PIEZO2: variants seen among roughly 807,000 people sequenced by gnomAD.
The protein encoded by PIEZO2 is piezo-type mechanosensitive ion channel component 2.
In PIEZO2, 172 loss-of-function variants were observed where a neutral mutation model predicts 337.3. The observed-to-expected ratio is 0.51, with a 90% CI of 0.45 to 0.58. The LOEUF is 0.58. Ranked by LOEUF, PIEZO2 falls within the 20% of genes least tolerant of loss-of-function variation. The pLI, the probability that PIEZO2 is intolerant of heterozygous loss-of-function variation, is 0.00. For missense variants in PIEZO2, 3,028 were observed against 3,391.3 expected (o/e 0.89, Z 2.66); for synonymous variants, 1,251 against 1,228.5 (o/e 1.02, Z -0.38).
chr18:11,084,182 A>C (rs1598934082), intron 1 of PIEZO2, among the ~76,000 whole-genome samples: 1 of 141,970 alleles, frequency 7.0e-6, no homozygotes, highest in African/African-American at 2.6e-5. Flanking sequence ...GTCTCAAAAA[A>C]AAAAAAAAAA....
At chr18:10,880,117 G>A (rs969320317) in intron 4 of PIEZO2, among the ~76,000 whole-genome samples, 11 of 152,148 alleles carry the variant, frequency 7.2e-5, no homozygotes, top group Non-Finnish European at 1.5e-4. Context: ...ACTTCAGACT[G>A]TTTTTAAAAG....
Position 10,855,394 on chromosome 18 carries a change from T to C in PIEZO2, c.876A>G (p.Gln292=), listed in dbSNP as rs1381117875. 1.3e-6 allele frequency: 2 copies of C among 1,537,046 alleles called. No homozygotes were observed. Among genetic ancestry groups the C allele is most frequent in the South Asian group, 2.4e-5 (2 of 84,054 alleles). The change falls in exon 7 of 56, where the codon CAA becomes CAG. Residue 292 remains glutamine, a synonymous_variant. Coordinates refer to ENST00000674853, the MANE Select transcript of PIEZO2 (RefSeq NM_001378183.1). This position sits in a 1 kb window ranked among gnomAD's most constrained non-coding sequence, Gnocchi z 4.9. ...TGGGTGGAACTGCCTCTTGAAAGAA[T>C]TGGAACTGGTATAAATAAAGTCCAA... ...HLIGLYLYQF[Q]FFQEAVPPND...
chr18:10,950,663 A>G (rs1175613282), intron 3 of PIEZO2, among the ~76,000 whole-genome samples: 2 of 152,202 alleles, frequency 1.3e-5, no homozygotes. Context: ...CCATTTACAC[A>G]CACATTGATC....
At position 10,682,176 on chromosome 18, in the gene PIEZO2, C is replaced by T. The variant is rs1302957904; in HGVS notation, c.7614G>A (p.Leu2538=). 3 of 1,537,146 alleles carry T rather than the reference C, an allele frequency of 2.0e-6. No homozygotes were observed. Among genetic ancestry groups the T allele is most frequent in the Middle Eastern group, 1.7e-4 (1 of 5,990 alleles). The change falls in exon 50 of 56, where the codon TTG becomes TTA. Residue 2538 remains leucine, a synonymous_variant. Coordinates refer to ENST00000674853, the MANE Select transcript of PIEZO2 (RefSeq NM_001378183.1). The surrounding 1 kb of genome is among the most constrained non-coding windows in gnomAD (Gnocchi z 5.6). ...TGATGACCCCAGCCACAGATTTGAT[C>T]AAAGACATGAAGAGAAGAGGAAACC... ...IVWFPLLFMS[L]IKSVAGVINQ... is the part of the protein sequence containing the mutation.
chr18:11,109,397 G>T lies in PIEZO2; in HGVS notation c.64+39128C>A, dbSNP rs1015580541. On this transcript the variant is annotated intron_variant, in intron 1 of 55. Transcript: ENST00000674853. The surrounding 1 kb of genome is among the most constrained non-coding windows in gnomAD (Gnocchi z 5.1). ...TGATGGGGTGGCAGGTGGGAGCTGG[G>T]GGGTGTAGCTCTGATTTCAGTATGG... Among the ~76,000 whole-genome samples, 3 of 152,162 alleles carry T rather than the reference G, an allele frequency of 2.0e-5. No individual in the cohort carries two copies. The South Asian group carries it at 6.2e-4, about 32-fold the overall frequency.
chr18:10,811,794 A>G (rs2040198589), intron 7 of PIEZO2, among the ~76,000 whole-genome samples: 1 of 152,244 alleles, frequency 6.6e-6, no homozygotes, highest in South Asian at 2.1e-4. Context: ...CAATAAATGA[A>G]TGTATATGGT....
intron 13 of PIEZO2, among the ~76,000 whole-genome samples, chr18:10,792,978 G>A (rs558476813): frequency 6.6e-6 from 1 of 152,316 alleles, no homozygotes; most frequent in African/African-American, 2.4e-5. Flanking sequence ...CATTCTGGCT[G>A]GGCACTATGG....
chr18:11,075,840 G>A (rs1202153311), intron 1 of PIEZO2, among the ~76,000 whole-genome samples: 1 of 147,758 alleles, frequency 6.8e-6, no homozygotes, highest in Non-Finnish European at 1.5e-5. Flanking sequence ...CCAGGCTGGA[G>A]TGCAGTGGCG....
At position 10,833,238 on chromosome 18, in the gene PIEZO2, G is replaced by C. The variant is rs950925851; in HGVS notation, c.917+22115C>G. 4.6e-5 allele frequency among the ~76,000 whole-genome samples: 7 copies of C among 152,152 alleles called. No homozygotes were observed. Among genetic ancestry groups the C allele is most frequent in the African/African-American group, 1.7e-4 (7 of 41,442 alleles). On this transcript the variant is annotated intron_variant, in intron 7 of 55. Transcript: ENST00000674853. This position sits in a 1 kb window ranked among gnomAD's most constrained non-coding sequence, Gnocchi z 4.7. The stretch of plus-strand genomic sequence containing the variant: ...GAGGGCTCAGAGACAGAAGCCCAGG[G>C]TAACAGGTACCCTGGGTGCGTCAGT...
intron 3 of PIEZO2, among the ~76,000 whole-genome samples, chr18:10,976,183 A>T (rs771440918): frequency 6.6e-6 from 1 of 152,070 alleles, no homozygotes; most frequent in African/African-American, 2.4e-5. Flanking sequence ...TGGGCTGAAA[A>T]CCTGGTCTGT....
rs939618914 is a variant in PIEZO2 at position 11,031,930 on chromosome 18, C to T, written c.160+34197G>A. ...TTCTCACCATCACATTTCCAAGATA[C>T]GAGACAAAACTCGTTCTCTCTCTGT... is the stretch of plus-strand genomic sequence containing the variant. On this transcript the variant is annotated intron_variant, in intron 2 of 55. Transcript: ENST00000674853. The surrounding 1 kb of genome is among the most constrained non-coding windows in gnomAD (Gnocchi z 4.7). Among the ~76,000 whole-genome samples the T allele has an allele frequency of 4.6e-5, 7 of 152,120 alleles. No homozygotes were observed. Among genetic ancestry groups the T allele is most frequent in the African/African-American group, 1.2e-4 (5 of 41,396 alleles).
chr18:10,791,315 T>C lies in PIEZO2; in HGVS notation c.1768A>G (p.Thr590Ala). Residue 590 changes from threonine (T) to alanine (A), a missense_variant, in exon 14 of 56, where the codon ACC (threonine) becomes GCC (alanine). Physicochemically the swap from Thr to Ala is moderately conservative, Grantham distance 58 (BLOSUM62 0). Around this residue, in one of 5 missense-constraint regions of PIEZO2, gnomAD observed 1,925 missense variants for 2,051.9 expected, o/e 0.94. Transcript: ENST00000674853. ...PGELASKILF[T>A]ITFWLLLRQH... ...CTCAGCAGTAGCCAAAAAGTAATGG[T>C]GAAAAGGATCTGAAAGTAGAGAAGC... 1 of 1,510,908 alleles carries C rather than the reference T, an allele frequency of 6.6e-7. No homozygotes were observed. Among genetic ancestry groups the C allele is most frequent in the African/African-American group, 1.4e-5 (1 of 71,658 alleles). The allele number at this position is 1,510,908 out of a possible 1,614,324, so 93.6% of individuals were successfully genotyped here.
chr18:10,677,628 A>T lies in PIEZO2; in HGVS notation c.8081+119T>A. The T allele has an allele frequency of 7.9e-7, 1 of 1,262,972 alleles. No individual in the cohort carries two copies. Among genetic ancestry groups the T allele is most frequent in the Non-Finnish European group, 1.1e-6 (1 of 902,834 alleles). The allele number at this position is 1,262,972 out of a possible 1,614,324, so 78.2% of individuals were successfully genotyped here. A position where few individuals can be genotyped will look rare whatever the true frequency, so the allele number is the denominator to read the frequency against. On this transcript the variant is annotated intron_variant, in intron 53 of 55. Coordinates refer to ENST00000674853, the MANE Select transcript of PIEZO2 (RefSeq NM_001378183.1). This position sits in a 1 kb window ranked among gnomAD's most constrained non-coding sequence, Gnocchi z 4.1. The stretch of plus-strand genomic sequence containing the variant: ...AAAATGGGGCCTCCAAATAGAAATT[A>T]ACTTTGTGTTACCAAAGAATGAAGT...
chr18:10,930,353 C>T (rs2032004025), intron 3 of PIEZO2, among the ~76,000 whole-genome samples: 1 of 152,202 alleles, frequency 6.6e-6, no homozygotes, highest in Non-Finnish European at 1.5e-5. Context: ...TTAACTAAAG[C>T]TGATTTCAAC....
chr18:10,981,783 T>G (rs2034676564), intron 2 of PIEZO2, among the ~76,000 whole-genome samples: 1 of 152,210 alleles, frequency 6.6e-6, no homozygotes. Flanking sequence ...CAGAGGAATG[T>G]GGAAGGACTA....
chr18:11,137,584 C>T (rs1158783254), intron 1 of PIEZO2, among the ~76,000 whole-genome samples: 2 of 152,204 alleles, frequency 1.3e-5, no homozygotes, highest in Non-Finnish European at 2.9e-5. Context: ...CCTTTCCAAC[C>T]TGCATGCTGC....
At chr18:10,852,065 T>A (rs1359332562) in intron 7 of PIEZO2, among the ~76,000 whole-genome samples, 1 of 152,184 alleles carries the variant, frequency 6.6e-6, no homozygotes, top group African/African-American at 2.4e-5. Flanking sequence ...AGTACAAAAC[T>A]TTTTGCTATA....
In PIEZO2 at chr18:10,883,816, C is replaced by CTTTTTTTTTTTTTTTTTTTTTTTTTTT. The variant is rs71169957; in HGVS notation, c.330-12402_330-12401insAAAAAAAAAAAAAAAAAAAAAAAAAAA. On this transcript the variant is annotated intron_variant, in intron 4 of 55. Coordinates refer to ENST00000674853, the MANE Select transcript of PIEZO2 (RefSeq NM_001378183.1). ...TACCCTGTTTCTATGAGTCCTACTT[C>CTTTTTTTTTTTTTTTTTTTTTTTTTTT]TTTTTTTTTTTTGAGACAGAGTCTC... is the stretch of plus-strand genomic sequence containing the variant. Among the ~76,000 whole-genome samples the CTTTTTTTTTTTTTTTTTTTTTTTTTTT allele has an allele frequency of 1.6e-5, 2 of 122,832 alleles. 1 individual carries two copies. Among genetic ancestry groups the CTTTTTTTTTTTTTTTTTTTTTTTTTTT allele is most frequent in the Non-Finnish European group, 3.2e-5 (2 of 62,010 alleles). 80.6% of individuals were successfully genotyped at this position (122,832 alleles called of 152,430 possible). A position where few individuals can be genotyped will look rare whatever the true frequency, so the allele number is the denominator to read the frequency against.
At position 11,070,286 on chromosome 18, in the gene PIEZO2, T is replaced by C. The variant is rs1185725042; in HGVS notation, c.65-4064A>G. 1.3e-5 allele frequency among the ~76,000 whole-genome samples: 2 copies of C among 152,142 alleles called. No homozygotes were observed. The highest frequency in any genetic ancestry group is 2.9e-5 in the Non-Finnish European group (2 of 68,028). On this transcript the variant is annotated intron_variant, in intron 1 of 55. Transcript: ENST00000674853. This position sits in a 1 kb window ranked among gnomAD's most constrained non-coding sequence, Gnocchi z 4.3. Reference sequence around the variant, plus strand: ...AAATACAGAAAAAGTACAGTAAAAATACGGCACTATAATCTTAGGGGACCA... The same window carrying C: ...AAATACAGAAAAAGTACAGTAAAAACACGGCACTATAATCTTAGGGGACCA...
Sources: gnomAD v4.1 joint callset for allele counts (sites outside exome capture counted in the v4.1 genomes callset) on GRCh38, gnomAD v4.1.1 for gene constraint, gnomAD v4.1.1 regional missense constraint, Gnocchi (gnomAD v3.1) non-coding constraint, MANE v1.5 for transcripts, NCBI Gene and HGNC (gene_info 2026-07-23, HGNC 2026-07-21) for gene names.